AGBL1: variants seen among roughly 807,000 people sequenced by gnomAD.
AGBL1 encodes the protein cytosolic carboxypeptidase 4.
A neutral mutation model predicts 118.9 loss-of-function variants in AGBL1; 130 were observed. That is an observed-to-expected ratio of 1.09 (90% CI 0.95 to 1.26). AGBL1 has a LOEUF of 1.26. Among genes scored for constraint, AGBL1 ranks in the 50% most tolerant of loss-of-function variants. The probability of loss-of-function intolerance (pLI) is 0.00; values close to 1 mark genes in which losing one functional copy is unlikely to be tolerated. For missense variants in AGBL1, 1,584 were observed against 1,298.1 expected (o/e 1.22, Z -3.38); for synonymous variants, 555 against 478.9 (o/e 1.16, Z -2.08).
intron 5 of AGBL1, among the ~76,000 whole-genome samples, chr15:86,207,693 C>T (rs2078017792): frequency 6.6e-6 from 1 of 152,198 alleles, no homozygotes; most frequent in Non-Finnish European, 1.5e-5. Flanking sequence ...AGTTGCTTAT[C>T]AGCTTAAAGA....
intron 5 of AGBL1, among the ~76,000 whole-genome samples, chr15:86,204,300 T>C (rs2077954442): frequency 6.6e-6 from 1 of 152,196 alleles, no homozygotes; most frequent in Non-Finnish European, 1.5e-5. Flanking sequence ...TCCAGCTCAC[T>C]CCTGGTATTC....
intron 23 of AGBL1, among the ~76,000 whole-genome samples, chr15:86,949,901 G>A (rs1318988156): frequency 1.3e-5 from 2 of 152,062 alleles, no homozygotes; most frequent in East Asian, 3.9e-4. Context: ...TATATACTGG[G>A]CCTTTAAGTG....
chr15:86,251,108 A>T (rs892089937), intron 7 of AGBL1, among the ~76,000 whole-genome samples: 2 of 152,218 alleles, frequency 1.3e-5, no homozygotes, highest in Non-Finnish European at 2.9e-5. Context: ...CAGACTCTCC[A>T]ATATTGATAA....
chr15:86,811,100 G>A (rs1241003434), intron 22 of AGBL1, among the ~76,000 whole-genome samples: 1 of 152,216 alleles, frequency 6.6e-6, no homozygotes, highest in East Asian at 1.9e-4. Context: ...CCATTTATTG[G>A]AGCTAAAGGT....
intron 23 of AGBL1, among the ~76,000 whole-genome samples, chr15:86,945,185 A>G (rs1022799388): frequency 8.2e-5 from 12 of 146,706 alleles, no homozygotes; most frequent in Admixed American, 2.1e-4. Context: ...TCGAGGTTGC[A>G]GTGAGTTATG....
At chr15:86,148,829 A>G (rs2077066913) in intron 3 of AGBL1, among the ~76,000 whole-genome samples, 1 of 152,192 alleles carries the variant, frequency 6.6e-6, no homozygotes, top group Non-Finnish European at 1.5e-5. Context: ...TAATTGTCAG[A>G]TTCACCAAGG....
chr15:86,509,694 T>C (rs2083029101), intron 18 of AGBL1, among the ~76,000 whole-genome samples: 1 of 152,094 alleles, frequency 6.6e-6, no homozygotes, highest in Non-Finnish European at 1.5e-5. Context: ...AATAAAACCT[T>C]ATAACCTACC....
chr15:86,143,680 TC>T lies in AGBL1; in HGVS notation c.116-17del, dbSNP rs746689127. The stretch of plus-strand genomic sequence containing the variant: ...GGGATTATTACTTGTGGCTCATCTT[TC>T]CTCCGGTTTCCCCTCAGGCACAGAC... On this transcript the variant is annotated intron_variant, in intron 2 of 22. Transcript: ENST00000614907. 5 of 1,611,880 alleles carry T rather than the reference TC, an allele frequency of 3.1e-6. No homozygotes were observed. The South Asian group carries it at 5.5e-5, about 18-fold the overall frequency.
At chr15:86,142,962 A>T (rs1302786966) in intron 2 of AGBL1, among the ~76,000 whole-genome samples, 1 of 152,184 alleles carries the variant, frequency 6.6e-6, no homozygotes, top group African/African-American at 2.4e-5. Flanking sequence ...TTGATAATGT[A>T]CCACCCTGTT....
intron 21 of AGBL1, among the ~76,000 whole-genome samples, chr15:86,624,427 G>C (rs1483966478): frequency 6.6e-6 from 1 of 152,228 alleles, no homozygotes; most frequent in Non-Finnish European, 1.5e-5. Context: ...CATGGTTTGA[G>C]TAAGGGCTCT....
intron 17 of AGBL1, among the ~76,000 whole-genome samples, chr15:86,312,736 A>G (rs2079939335): frequency 6.6e-6 from 1 of 152,180 alleles, no homozygotes; most frequent in African/African-American, 2.4e-5. Context: ...GTAGTGATGC[A>G]CATCCCGTTA....
chr15:86,384,391 T>TG (rs1459607135), intron 17 of AGBL1, among the ~76,000 whole-genome samples: 1 of 152,114 alleles, frequency 6.6e-6, no homozygotes, highest in African/African-American at 2.4e-5. Context: ...GATAGATTGA[T>TG]GGGGGCGGGT....
chr15:86,456,967 G>A (rs922374552), intron 18 of AGBL1, among the ~76,000 whole-genome samples: 12 of 152,058 alleles, frequency 7.9e-5, no homozygotes, highest in Non-Finnish European at 1.3e-4. Flanking sequence ...TATTCCTTAT[G>A]GATTCATTTC....
chr15:86,818,729 T>C (rs1340681562), intron 22 of AGBL1, among the ~76,000 whole-genome samples: 1 of 152,180 alleles, frequency 6.6e-6, no homozygotes, highest in African/African-American at 2.4e-5. Context: ...GAATAAATAC[T>C]TGCAGGCCAG....
At chr15:86,697,761 T>A (rs576048848) in intron 22 of AGBL1, among the ~76,000 whole-genome samples, 2 of 152,110 alleles carry the variant, frequency 1.3e-5, no homozygotes, top group Admixed American at 1.3e-4. Flanking sequence ...GTTTATATTC[T>A]TTTGGCCCAT....
At chr15:86,760,492 A>T (rs555469399) in intron 22 of AGBL1, among the ~76,000 whole-genome samples, 1 of 152,160 alleles carries the variant, frequency 6.6e-6, no homozygotes, top group Non-Finnish European at 1.5e-5. Context: ...GGGGTGAGGG[A>T]TGGAGGTGCA....
rs565671261 is a variant in AGBL1, at chr15:87,004,964, G to C, written c.3323+16876G>C. 3.9e-5 allele frequency among the ~76,000 whole-genome samples: 6 copies of C among 152,242 alleles called. No individual in the cohort carries two copies. The South Asian group carries it at 8.3e-4, about 21-fold the overall frequency. ...TTACTTATGAAGCTTAGTTTGGCTGGATATGAAATTCTGGGTTGAAAATTA... is the reference window on the plus strand; with the variant it reads ...TTACTTATGAAGCTTAGTTTGGCTGCATATGAAATTCTGGGTTGAAAATTA... On this transcript the variant is annotated intron_variant, in intron 24 of 24. Transcript: ENST00000441037.
intron 22 of AGBL1, among the ~76,000 whole-genome samples, chr15:86,842,632 G>T (rs912499180): frequency 1.3e-5 from 2 of 152,182 alleles, no homozygotes; most frequent in African/African-American, 4.8e-5. Context: ...CCTCTCTGCA[G>T]CAGGAAAGTG....
At chr15:86,878,202 G>A (rs2079840533) in intron 22 of AGBL1, among the ~76,000 whole-genome samples, 4 of 152,114 alleles carry the variant, frequency 2.6e-5, no homozygotes, top group Admixed American at 2.6e-4. Context: ...TTGTGATTAG[G>A]GTTTTGTTCC....
Sources: allele counts gnomAD v4.1 joint callset (sites outside exome capture counted in the v4.1 genomes callset), GRCh38; gene constraint gnomAD v4.1.1; transcripts MANE v1.5; gene names NCBI Gene and HGNC (gene_info 2026-07-23, HGNC 2026-07-21).